IBTK: variants seen among roughly 807,000 people sequenced by gnomAD.
The protein encoded by IBTK is BTK-binding protein.
A neutral mutation model predicts 154.9 loss-of-function variants in IBTK; 83 were observed. The observed-to-expected ratio is 0.54, with a 90% CI of 0.45 to 0.64. The LOEUF (loss-of-function observed/expected upper bound fraction) is 0.64, where lower values mean the gene tolerates loss of function less well. Ranked by LOEUF, IBTK falls within the 30% of genes least tolerant of loss-of-function variation. IBTK has a pLI of 0.00. For missense variants in IBTK, 1,332 were observed against 1,584.6 expected (o/e 0.84, Z 2.71); for synonymous variants, 515 against 536.1 (o/e 0.96, Z 0.54).
At chr6:82,234,756 A>C (rs1250815708) in intron 2 of IBTK, among the ~76,000 whole-genome samples, 1 of 152,244 alleles carries the variant, frequency 6.6e-6, no homozygotes. Context: ...ACTGCAGAGA[A>C]TAATTAAGAA....
At chr6:82,242,003 C>T (rs987504932) in intron 1 of IBTK, among the ~76,000 whole-genome samples, 15 of 152,178 alleles carry the variant, frequency 9.9e-5, no homozygotes, top group Admixed American at 9.8e-4. Context: ...TTGATTTCTC[C>T]ACCTGGAAAC....
intron 4 of IBTK, among the ~76,000 whole-genome samples, chr6:82,230,860 A>G (rs951741803): frequency 3.3e-5 from 5 of 152,174 alleles, no homozygotes; most frequent in Admixed American, 3.3e-4. Flanking sequence ...AGGATATAAG[A>G]CCACAGACCA....
At chr6:82,247,100 G>C (rs897859153) in intron 1 of IBTK, among the ~76,000 whole-genome samples, 1 of 152,092 alleles carries the variant, frequency 6.6e-6, no homozygotes, top group Non-Finnish European at 1.5e-5. Context: ...TTTTTACATA[G>C]CAATCAATGT....
At chr6:82,209,216 T>G (rs1769533378) in intron 16 of IBTK, among the ~76,000 whole-genome samples, 2 of 152,338 alleles carry the variant, frequency 1.3e-5, no homozygotes, top group South Asian at 4.1e-4. Flanking sequence ...TTTCCGCTTC[T>G]AGGTATATGC....
At chr6:82,224,212 T>C in intron 6 of IBTK, 27 bp from the exon 7 acceptor site, 2 of 1,462,406 alleles carry the variant, frequency 1.4e-6, no homozygotes, top group Non-Finnish European at 1.9e-6. Context: ...AAAACTGCAA[T>C]TTACTATATA....
rs78177295 is a variant in IBTK at position 82,194,629 on chromosome 6, G to A, written c.3188C>T (p.Pro1063Leu). 1,497 of 1,577,268 alleles carry A rather than the reference G, an allele frequency of 9.5e-4. 16 individuals are homozygous for A. The African/African-American group carries it at 0.015, about 16-fold the overall frequency. ...CACAGGAGATGTACCATTAACATACGGTTTGACTTTCGCCTGGGGAGAGAA... is the reference window on the plus strand; with the variant it reads ...CACAGGAGATGTACCATTAACATACAGTTTGACTTTCGCCTGGGGAGAGAA... ...HSDKIEAKVK[P>L]YVNGTSPVYS... The change falls in exon 23 of 29, where the codon CCG becomes CTG. Residue 1063 changes from proline to leucine, a missense_variant. Pro to Leu is a moderately conservative substitution (Grantham distance 98). Coordinates refer to ENST00000306270, the MANE Select transcript of IBTK (RefSeq NM_015525.4).
chr6:82,173,754 T>C (rs1220929306), intron 26 of IBTK, among the ~76,000 whole-genome samples: 1 of 149,670 alleles, frequency 6.7e-6, no homozygotes, highest in Non-Finnish European at 1.5e-5. Context: ...GGAACTAATA[T>C]ACTTTATGAG....
At chr6:82,200,753 G>GTTTT (rs138809525) in intron 19 of IBTK, 45 bp from the exon 20 acceptor site, 2,987 of 392,920 alleles carry the variant, frequency 7.6e-3, no homozygotes, top group South Asian at 0.021. Flanking sequence ...AATCTGTGAA[G>GTTTT]TTTTTTTTTT....
Position 82,240,265 on chromosome 6 carries a change from T to C in IBTK, c.222A>G (p.Lys74=), listed in dbSNP as rs772799308. ...TGTCTTTCACCAACAGATCCACTCC[T>C]TTCTGAATAAGCCAATCTAACACTC... The part of the protein sequence containing the change: ...KKGVLDWLIQ[K]GVDLLVKDKE... The change falls in exon 2 of 29, where the codon AAA becomes AAG. Residue 74 remains lysine, a synonymous_variant. Coordinates refer to ENST00000306270, the MANE Select transcript of IBTK (RefSeq NM_015525.4). 1.2e-6 allele frequency: 2 copies of C among 1,614,248 alleles called. No homozygotes were observed. The highest frequency in any genetic ancestry group is 1.3e-5 in the African/African-American group (1 of 75,072).
intron 11 of IBTK, 44 bp downstream of exon 11, chr6:82,216,032 G>T: frequency 6.9e-7 from 1 of 1,449,212 alleles, no homozygotes; most frequent in South Asian, 1.3e-5. Flanking sequence ...AAAATTCAGT[G>T]ATTGTTCCTT....
intron 2 of IBTK, 112 bp from the exon 3 acceptor site, chr6:82,234,367 C>T: frequency 3.4e-6 from 1 of 292,568 alleles, no homozygotes; most frequent in Non-Finnish European, 5.6e-6. Context: ...CAGAATTTCG[C>T]TCTTGTTGCC....
intron 23 of IBTK, among the ~76,000 whole-genome samples, chr6:82,192,150 T>C (rs1463352292): frequency 6.6e-6 from 1 of 152,018 alleles, no homozygotes; most frequent in Non-Finnish European, 1.5e-5. Flanking sequence ...CATAATGTTG[T>C]GATATAACTG....
At chr6:82,237,722 G>GT (rs1480906663) in intron 2 of IBTK, among the ~76,000 whole-genome samples, 2 of 150,236 alleles carry the variant, frequency 1.3e-5, no homozygotes, top group Admixed American at 6.7e-5. Flanking sequence ...TCAGTAGGGA[G>GT]TTTAACTCCA....
chr6:82,243,238 CAA>C (rs200210329), intron 1 of IBTK, among the ~76,000 whole-genome samples: 13 of 60,768 alleles, frequency 2.1e-4, no homozygotes, highest in Non-Finnish European at 2.7e-4. Flanking sequence ...GACTCTGTCT[CAA>C]AAAAAAAAAA....
chr6:82,228,316 T>C (rs1174273951), intron 4 of IBTK, among the ~76,000 whole-genome samples: 1 of 152,104 alleles, frequency 6.6e-6, no homozygotes, highest in Non-Finnish European at 1.5e-5. Context: ...TCTAAATATT[T>C]ACACATACCC....
At chr6:82,227,768 C>T (rs1454722093) in intron 4 of IBTK, among the ~76,000 whole-genome samples, 4 of 152,030 alleles carry the variant, frequency 2.6e-5, no homozygotes, top group African/African-American at 9.7e-5. Context: ...GCCATTTATA[C>T]ATGGCGTAGG....
At chr6:82,199,985 T>C (rs1278835592) in intron 21 of IBTK, among the ~76,000 whole-genome samples, 156 bp downstream of exon 21, 3 of 152,192 alleles carry the variant, frequency 2.0e-5, no homozygotes, top group Non-Finnish European at 2.9e-5. Flanking sequence ...ACCTCTTTTG[T>C]GCTCCCAGAG....
intron 1 of IBTK, among the ~76,000 whole-genome samples, chr6:82,246,117 T>A (rs1185790423): frequency 6.6e-6 from 1 of 152,170 alleles, no homozygotes; most frequent in African/African-American, 2.4e-5. Context: ...GTGCTCTTGA[T>A]CCCACCTATT....
Position 82,203,314 on chromosome 6 carries a change from C to T in IBTK, c.2612-669G>A, listed in dbSNP as rs111681036. ...CTAGAGACTCTCCCAGAATATTCTA[C>T]CTACATAACAGGTAACTTTCAGCTT... On this transcript the variant is annotated intron_variant, in intron 17 of 28. Coordinates refer to ENST00000306270, the MANE Select transcript of IBTK (RefSeq NM_015525.4). 5.4e-3 allele frequency among the ~76,000 whole-genome samples: 824 copies of T among 152,146 alleles called. 9 individuals carry two copies. The highest frequency in any genetic ancestry group is 0.019 in the African/African-American group (789 of 41,530).
Sources: allele counts gnomAD v4.1 joint callset (sites outside exome capture counted in the v4.1 genomes callset), GRCh38; gene constraint gnomAD v4.1.1; transcripts MANE v1.5; gene names NCBI Gene and HGNC (gene_info 2026-07-23, HGNC 2026-07-21).